Variants in CHRM5 observed in about 807,000 individuals in gnomAD.
The protein encoded by CHRM5 is cholinergic receptor muscarinic 5.
A neutral mutation model predicts 39.0 loss-of-function variants in CHRM5; 18 were observed. The ratio of observed to expected loss-of-function variants is 0.46; its 90% confidence interval spans 0.32 to 0.68. The LOEUF is 0.68. CHRM5 is among the 30% of genes least tolerant of loss of function. The pLI, the probability that CHRM5 is intolerant of heterozygous loss-of-function variation, is 0.04. For synonymous variants in CHRM5, 241 were observed against 246.3 expected, an observed-to-expected ratio of 0.98 and a Z score of 0.20; for missense variants, 515 against 651.1, an observed-to-expected ratio of 0.79 and a Z score of 2.28.
intron 1 of CHRM5, among the ~76,000 whole-genome samples, chr15:34,038,621 G>T (rs1352599827): frequency 7.2e-4 from 2 of 2,778 alleles, no homozygotes; most frequent in African/African-American, 8.6e-4. Flanking sequence ...GCCACCAGGC[G>T]CGCCCCCGCG....
At chr15:34,038,947 C>T in intron 1 of CHRM5, 1 of 1,105,852 alleles carries the variant, frequency 9.0e-7, no homozygotes, top group Non-Finnish European at 1.1e-6. Context: ...CTGGCTACCG[C>T]CGCTGCGGCT....
At chr15:34,032,208 C>T (rs1465887615) in intron 1 of CHRM5, among the ~76,000 whole-genome samples, 1 of 152,106 alleles carries the variant, frequency 6.6e-6, no homozygotes, top group Non-Finnish European at 1.5e-5. Context: ...GAATAGAAAA[C>T]ACCTTTGCAA....
chr15:33,998,834 C>G (rs1298528737), intron 1 of CHRM5, among the ~76,000 whole-genome samples: 1 of 152,206 alleles, frequency 6.6e-6, no homozygotes, highest in Non-Finnish European at 1.5e-5. Context: ...CCCCTAAACT[C>G]TAGACACTGT....
intron 1 of CHRM5, chr15:34,038,912 CCCG>C: frequency 1.8e-6 from 2 of 1,111,798 alleles, no homozygotes; most frequent in Non-Finnish European, 2.2e-6. Context: ...CGCCTCCGTC[CCCG>C]CCGCCGCCTC....
rs372035035 is a variant in CHRM5 at position 33,979,394 on chromosome 15, A to T, written c.-408+10244A>T. Among the ~76,000 whole-genome samples the T allele has an allele frequency of 8.5e-5, 13 of 152,238 alleles. No homozygotes were observed. In the South Asian group the frequency reaches 2.7e-3, roughly 32 times the overall value. ...CATGCTAGGGTGTGGCTGTAATCCC[A>T]GCTACTCAGGAGGCTGAGGTGGAAG... On this transcript the variant is annotated intron_variant, in intron 1 of 2. Coordinates refer to ENST00000383263, the MANE Select transcript of CHRM5 (RefSeq NM_012125.4).
intron 1 of CHRM5, among the ~76,000 whole-genome samples, chr15:34,015,574 AAACT>A (rs1897861076): frequency 1.3e-5 from 2 of 152,252 alleles, no homozygotes; most frequent in Admixed American, 6.5e-5. Context: ...TTGGGAAATT[AAACT>A]AACTAAAAAT....
chr15:34,012,790 T>C (rs572268686), intron 1 of CHRM5, among the ~76,000 whole-genome samples: 7 of 152,220 alleles, frequency 4.6e-5, no homozygotes, highest in Non-Finnish European at 8.8e-5. Flanking sequence ...GGAACCTAGA[T>C]AGGTCAAGCC....
chr15:34,009,981 C>T (rs1380905185), intron 1 of CHRM5, among the ~76,000 whole-genome samples: 1 of 151,806 alleles, frequency 6.6e-6, no homozygotes, highest in Non-Finnish European at 1.5e-5. Flanking sequence ...AAAAAAGAAA[C>T]ATAATAATTA....
chr15:34,015,153 T>C (rs1028300014), intron 1 of CHRM5, among the ~76,000 whole-genome samples: 2 of 152,072 alleles, frequency 1.3e-5, no homozygotes, highest in African/African-American at 4.8e-5. Flanking sequence ...GCTGTTATCA[T>C]AAGGAAAAAG....
rs780377591 is a variant in CHRM5, at chr15:34,062,810, C to T, written c.93C>T (p.Ile31=). Residue 31 remains isoleucine, a synonymous_variant, in exon 3 of 3, where the codon ATC becomes ATT. Transcript: ENST00000383263. ...PLERHRLWEV[I]TIAAVTAVVS... ...AACGCCACAGGTTGTGGGAAGTCAT[C>T]ACCATTGCAGCTGTGACTGCTGTGG... The T allele has an allele frequency of 6.2e-7, 1 of 1,614,222 alleles. No homozygotes were observed. The highest frequency in any genetic ancestry group is 1.1e-5 in the South Asian group (1 of 91,084).
At chr15:33,974,277 A>G (rs1439905353) in intron 1 of CHRM5, among the ~76,000 whole-genome samples, 1 of 152,228 alleles carries the variant, frequency 6.6e-6, no homozygotes, top group African/African-American at 2.4e-5. Context: ...TTCAAAGATG[A>G]GTGGAGAAAG....
At chr15:33,974,858 C>G (rs8033418) in intron 1 of CHRM5, among the ~76,000 whole-genome samples, 129,154 of 152,072 alleles carry the variant, frequency 0.85, 57,585 homozygotes, top group Non-Finnish European at 0.97. Flanking sequence ...CTGTAATCCC[C>G]GCTACTTGGA....
At chr15:33,978,677 A>T (rs1896001021) in intron 1 of CHRM5, among the ~76,000 whole-genome samples, 1 of 151,962 alleles carries the variant, frequency 6.6e-6, no homozygotes, top group African/African-American at 2.4e-5. Context: ...TAAATAAATA[A>T]ATAAATAAAA....
chr15:34,020,741 G>A (rs928723220), intron 1 of CHRM5, among the ~76,000 whole-genome samples: 2 of 152,176 alleles, frequency 1.3e-5, no homozygotes, highest in Non-Finnish European at 2.9e-5. Flanking sequence ...ATGAAAAGCT[G>A]TAAATGAAAT....
At chr15:34,000,030 C>G (rs1318727879) in intron 1 of CHRM5, among the ~76,000 whole-genome samples, 1 of 152,192 alleles carries the variant, frequency 6.6e-6, no homozygotes, top group Non-Finnish European at 1.5e-5. Flanking sequence ...TTGCGATTCC[C>G]TATCCTCCTA....
At chr15:34,031,694 G>A (rs1322803709) in intron 1 of CHRM5, among the ~76,000 whole-genome samples, 4 of 152,092 alleles carry the variant, frequency 2.6e-5, no homozygotes, top group Admixed American at 2.6e-4. Flanking sequence ...ATGGGCGGTA[G>A]GAAACAGCAT....
At chr15:34,042,388 T>A (rs1210066053) in intron 1 of CHRM5, among the ~76,000 whole-genome samples, 1 of 151,164 alleles carries the variant, frequency 6.6e-6, no homozygotes, top group Non-Finnish European at 1.5e-5. Context: ...AATACATACA[T>A]GACCTAAGTT....
At chr15:34,039,002 T>A in intron 1 of CHRM5, 1 of 1,116,638 alleles carries the variant, frequency 9.0e-7, no homozygotes, top group East Asian at 5.8e-5. Flanking sequence ...GGCCGCGGCC[T>A]GGCCGCCGCC....
chr15:33,975,786 C>A (rs1487437458), intron 1 of CHRM5, among the ~76,000 whole-genome samples: 1 of 152,154 alleles, frequency 6.6e-6, no homozygotes, highest in Non-Finnish European at 1.5e-5. Context: ...AAAAATTAGC[C>A]GGGCGTGGTG....
Sources: allele counts gnomAD v4.1 joint callset (sites outside exome capture counted in the v4.1 genomes callset), GRCh38; gene constraint gnomAD v4.1.1; transcripts MANE v1.5; gene names NCBI Gene and HGNC (gene_info 2026-07-23, HGNC 2026-07-21).